Variants in ADIPOR2 observed in about 807,000 individuals in gnomAD.
The protein encoded by ADIPOR2 is adiponectin receptor 2.
A neutral mutation model predicts 40.9 loss-of-function variants in ADIPOR2; 18 were observed. The observed-to-expected ratio is 0.44, with a 90% confidence interval of 0.30 to 0.65. The LOEUF (loss-of-function observed/expected upper bound fraction) is 0.65. Among genes scored for constraint, ADIPOR2 ranks in the 30% least tolerant of loss-of-function variants. ADIPOR2 has a pLI of 0.09. For synonymous variants in ADIPOR2, 165 were observed against 166.4 expected (o/e 0.99, Z 0.06); for missense variants, 283 against 479.2 (o/e 0.59, Z 3.82).
chr12:1,710,793 G>C (rs193181042), intron 1 of ADIPOR2, among the ~76,000 whole-genome samples: 1 of 152,216 alleles, frequency 6.6e-6, no homozygotes. Context: ...CAGTGGGTCG[G>C]TCCAGGGGTC....
At chr12:1,728,958 GTTT>G (rs66842156) in intron 1 of ADIPOR2, among the ~76,000 whole-genome samples, 1,204 of 110,020 alleles carry the variant, frequency 0.011, 6 homozygotes, top group East Asian at 0.043. Flanking sequence ...GTTCTGGACT[GTTT>G]TTTTTTTTTT....
chr12:1,691,366 G>A (rs957614370), intron 1 of ADIPOR2, among the ~76,000 whole-genome samples, 175 bp downstream of exon 1: 19 of 152,178 alleles, frequency 1.2e-4, no homozygotes, highest in African/African-American at 4.6e-4. Flanking sequence ...ACTCTGACCT[G>A]CCGCCCGGCG....
At chr12:1,756,881 A>G (rs1275988165) in intron 2 of ADIPOR2, among the ~76,000 whole-genome samples, 1 of 152,184 alleles carries the variant, frequency 6.6e-6, no homozygotes, top group Non-Finnish European at 1.5e-5. Context: ...TAGAGGAATC[A>G]AGGCTGATTC....
intron 2 of ADIPOR2, among the ~76,000 whole-genome samples, chr12:1,765,713 A>G (rs549667261): frequency 6.6e-6 from 1 of 152,278 alleles, no homozygotes; most frequent in South Asian, 2.1e-4. Flanking sequence ...CTATCATCTT[A>G]GTGCAGTCTT....
chr12:1,775,127 C>T (rs868800688), intron 3 of ADIPOR2, among the ~76,000 whole-genome samples: 6 of 152,258 alleles, frequency 3.9e-5, no homozygotes, highest in South Asian at 2.1e-4. Context: ...TGAGCCACTG[C>T]GTCCAGCTGT....
At chr12:1,698,584 CTTTT>C in intron 1 of ADIPOR2, among the ~76,000 whole-genome samples, 1 of 152,054 alleles carries the variant, frequency 6.6e-6, no homozygotes, top group African/African-American at 2.4e-5. Flanking sequence ...CTACTCTCTT[CTTTT>C]TAGTAGTTCT....
chr12:1,764,558 A>AACACAC lies in ADIPOR2; in HGVS notation c.172-8257_172-8252dup, dbSNP rs59660682. On this transcript the variant is annotated intron_variant, in intron 2 of 7. Transcript: ENST00000357103. ...CAACAAAAACCTTATTAAAGTATTAAACACACACACACACACACACACACA... is the reference window on the plus strand; with the variant it reads ...CAACAAAAACCTTATTAAAGTATTAAACACACACACACACACACACACACACACACA... Among the ~76,000 whole-genome samples the AACACAC allele has an allele frequency of 9.6e-3, 1,148 of 119,062 alleles. 8 individuals are homozygous for AACACAC. Among genetic ancestry groups the AACACAC allele is most frequent in the African/African-American group, 0.029 (788 of 27,138 alleles). 78.1% of individuals were successfully genotyped at this position (119,062 alleles called of 152,430 possible). A position where few individuals can be genotyped will look rare whatever the true frequency, so the allele number is the denominator to read the frequency against.
intron 1 of ADIPOR2, among the ~76,000 whole-genome samples, chr12:1,694,837 C>T (rs2094634765): frequency 6.6e-6 from 1 of 152,178 alleles, no homozygotes; most frequent in East Asian, 1.9e-4. Flanking sequence ...TTTAGATGTA[C>T]AGAAATTTGA....
intron 1 of ADIPOR2, among the ~76,000 whole-genome samples, chr12:1,747,645 G>A (rs1385811862): frequency 6.6e-6 from 1 of 151,902 alleles, no homozygotes; most frequent in Non-Finnish European, 1.5e-5. Context: ...AATCTGAGAA[G>A]GTCTGTTTCG....
intron 1 of ADIPOR2, among the ~76,000 whole-genome samples, chr12:1,737,255 G>A (rs1470175897): frequency 6.6e-6 from 1 of 152,196 alleles, no homozygotes; most frequent in Non-Finnish European, 1.5e-5. Context: ...CTCAGATACA[G>A]AGTTTATGTA....
chr12:1,748,415 A>T (rs1275830454), intron 1 of ADIPOR2, among the ~76,000 whole-genome samples: 1 of 151,786 alleles, frequency 6.6e-6, no homozygotes, highest in Non-Finnish European at 1.5e-5. Flanking sequence ...CGCCTGGCTA[A>T]TTTTTTATAT....
intron 2 of ADIPOR2, among the ~76,000 whole-genome samples, chr12:1,756,550 C>A (rs1406822534): frequency 1.3e-5 from 2 of 151,406 alleles, no homozygotes; most frequent in East Asian, 3.9e-4. Context: ...GTCAGTGGGC[C>A]AGTCAGAGAA....
At chr12:1,772,983 A>G (rs369612708) in intron 3 of ADIPOR2, 22 bp downstream of exon 3, 11 of 1,611,640 alleles carry the variant, frequency 6.8e-6, no homozygotes, top group Non-Finnish European at 9.3e-6. Context: ...GTTTCTTGTC[A>G]TTGTCATGCT....
chr12:1,712,011 C>T (rs992624159), intron 1 of ADIPOR2, among the ~76,000 whole-genome samples: 12 of 152,156 alleles, frequency 7.9e-5, no homozygotes, highest in Admixed American at 3.3e-4. Flanking sequence ...GTAAGTGCCA[C>T]TAGTTCTGCT....
At chr12:1,771,313 A>G (rs1237909229) in intron 2 of ADIPOR2, among the ~76,000 whole-genome samples, 2 of 152,028 alleles carry the variant, frequency 1.3e-5, no homozygotes, top group South Asian at 2.1e-4. Context: ...GCAGTGAGCC[A>G]TGATCGCACC....
intron 1 of ADIPOR2, among the ~76,000 whole-genome samples, chr12:1,734,598 A>C (rs1167821630): frequency 6.6e-6 from 1 of 152,214 alleles, no homozygotes; most frequent in Non-Finnish European, 1.5e-5. Context: ...TTTGCTGTGC[A>C]GAAGCTCTTT....
chr12:1,704,549 A>G (rs542980817), intron 1 of ADIPOR2, among the ~76,000 whole-genome samples: 2 of 152,296 alleles, frequency 1.3e-5, no homozygotes, highest in East Asian at 1.9e-4. Flanking sequence ...CACATGGTTG[A>G]TTGATTGATA....
intron 2 of ADIPOR2, among the ~76,000 whole-genome samples, chr12:1,768,849 T>C (rs963014255): frequency 8.5e-5 from 13 of 152,212 alleles, no homozygotes; most frequent in African/African-American, 3.1e-4. Context: ...TATTTCAAAA[T>C]GTCTTTGTGC....
chr12:1,753,285 C>T (rs1385332332), intron 1 of ADIPOR2, among the ~76,000 whole-genome samples: 3 of 152,140 alleles, frequency 2.0e-5, no homozygotes, highest in African/African-American at 7.2e-5. Flanking sequence ...GGATATTCAA[C>T]TAATTGTCTA....
Sources: gnomAD v4.1 joint callset for allele counts (sites outside exome capture counted in the v4.1 genomes callset) on GRCh38, gnomAD v4.1.1 for gene constraint, MANE v1.5 for transcripts, NCBI Gene and HGNC (gene_info 2026-07-23, HGNC 2026-07-21) for gene names.